The following LRRC56 variants were observed in gnomAD, a reference collection of about 807,000 sequenced individuals.
LRRC56 encodes leucine rich repeat containing 56, also known as leucine-rich repeat-containing protein 56.
Under a neutral mutation model 47.8 loss-of-function variants are expected in LRRC56, and 41 were observed. That is an observed-to-expected ratio of 0.86 (90% CI 0.67 to 1.11). LRRC56 has a LOEUF of 1.11. Among genes scored for constraint, LRRC56 ranks in the 50% most tolerant of loss-of-function variants. LRRC56 has a pLI of 0.00. For synonymous variants in LRRC56, 387 were observed against 311.2 expected, an observed-to-expected ratio of 1.24 and a Z score of -2.56; for missense variants, 759 against 704.2, an observed-to-expected ratio of 1.08 and a Z score of -0.88.
chr11:514,318 G>C, the LRRC56 span, among the ~76,000 whole-genome samples: 1 of 150,526 alleles, frequency 6.6e-6, no homozygotes, highest in East Asian at 2.0e-4. Context: ...ACGAGGTCTT[G>C]CTTTGTTGCC....
chr11:514,524 T>G, the LRRC56 span, among the ~76,000 whole-genome samples: 22 of 151,926 alleles, frequency 1.4e-4, no homozygotes, highest in Non-Finnish European at 2.8e-4. Flanking sequence ...TCATGCAATC[T>G]GCCCACTTGA....
the LRRC56 span, among the ~76,000 whole-genome samples, chr11:508,508 T>G: frequency 6.6e-6 from 1 of 152,224 alleles, no homozygotes; most frequent in African/African-American, 2.4e-5. Flanking sequence ...GGCTCACACC[T>G]GTAACCCCAA....
intron 9 of LRRC56, 123 bp from the exon 10 acceptor site, chr11:551,528 G>C (rs1281809458): frequency 9.4e-7 from 1 of 1,066,736 alleles, no homozygotes; most frequent in Non-Finnish European, 1.3e-6. Context: ...CTAGAAGGCT[G>C]CAGCGTGAGA....
the LRRC56 span, among the ~76,000 whole-genome samples, chr11:530,502 C>G: frequency 0.15 from 8,712 of 57,458 alleles, 438 homozygotes; most frequent in African/African-American, 0.23. Context: ...GAGAGAAGGG[C>G]GAGTGTGGCG....
upstream of LRRC56, chr11:534,410 CCCAGCCCCAG>C: frequency 6.0e-6 from 3 of 499,460 alleles, no homozygotes; most frequent in Non-Finnish European, 9.3e-6. Flanking sequence ...CAGGCCCAGG[CCCAGCCCCAG>C]GCCCCACAGG....
intron 1 of LRRC56, among the ~76,000 whole-genome samples, chr11:538,161 T>A (rs908057416): frequency 6.6e-6 from 1 of 152,052 alleles, no homozygotes; most frequent in African/African-American, 2.4e-5. Flanking sequence ...GGTCTTTGGA[T>A]CCCACAGCCT....
In LRRC56 at chr11:548,451, T is replaced by TTTTG. The variant is rs56130745; in HGVS notation, c.327-1430_327-1427dup. 3.0e-3 allele frequency among the ~76,000 whole-genome samples: 454 copies of TTTTG among 150,832 alleles called. 1 individual carries two copies. Among genetic ancestry groups the TTTTG allele is most frequent in the African/African-American group, 8.0e-3 (326 of 40,878 alleles). Reference sequence around the variant, plus strand: ...ATGAAGCACTGTGCTCAGCCTCAAGTTTTGTTTGTTTGTTTGTTTGTTTGG... The same window carrying TTTTG: ...ATGAAGCACTGTGCTCAGCCTCAAGTTTTGTTTGTTTGTTTGTTTGTTTGTTTGG... On this transcript the variant is annotated intron_variant, in intron 6 of 13. Coordinates refer to ENST00000270115, the MANE Select transcript of LRRC56 (RefSeq NM_198075.4).
In LRRC56 at chr11:551,228, C is replaced by T. The variant is rs915526911; in HGVS notation, c.722C>T (p.Ala241Val). 3 of 1,544,368 alleles carry T rather than the reference C, an allele frequency of 1.9e-6. No homozygotes were observed. Among genetic ancestry groups the T allele is most frequent in the Non-Finnish European group, 2.6e-6 (3 of 1,143,110 alleles). The change falls in exon 9 of 14, where the codon GCC (alanine) becomes GTC (valine). Residue 241 changes from alanine to valine, a missense_variant. Physicochemically the swap from Ala to Val is moderately conservative, Grantham distance 64. Coordinates refer to ENST00000270115, the MANE Select transcript of LRRC56 (RefSeq NM_198075.4). ...EVPAAHTGPP[A>V]PPRLSQDWLA... The stretch of plus-strand genomic sequence containing the variant: ...CCGGCCGCACACACAGGCCCACCGG[C>T]CCCCCCGCGGCTGAGCCAGGACTGG...
At chr11:542,205 C>T (rs1177570205) in intron 5 of LRRC56, among the ~76,000 whole-genome samples, 1 of 150,196 alleles carries the variant, frequency 6.7e-6, no homozygotes, top group Non-Finnish European at 1.5e-5. Flanking sequence ...GCCCCACACA[C>T]CCACGCCAGT....
At position 551,920 on chromosome 11, in the gene LRRC56, T is replaced by C. The variant is rs1332861256; in HGVS notation, c.991T>C (p.Cys331Arg). The C allele has an allele frequency of 1.2e-6, 2 of 1,612,658 alleles. No individual in the cohort carries two copies. The highest frequency in any genetic ancestry group is 1.1e-5 in the South Asian group (1 of 91,082). ...TCTTGCAGGTGCTGGCCAAGTCCTC[T>C]GTGGGAACCCCACCAAGGGCCTGCG... Reference protein sequence around the residue: ...SLTHGAGQVLCGNPTKGLRER... With the variant: ...SLTHGAGQVLRGNPTKGLRER... Residue 331 changes from cysteine (C) to arginine (R), a missense_variant, in exon 11 of 14, where the codon TGT becomes CGT. Transcript: ENST00000270115.
intron 6 of LRRC56, among the ~76,000 whole-genome samples, chr11:548,766 T>A (rs538640489): frequency 6.6e-6 from 1 of 151,738 alleles, no homozygotes; most frequent in East Asian, 2.0e-4. Flanking sequence ...CCTCAAGTGG[T>A]TTTTTAAGGA....
At chr11:518,691 C>G in the LRRC56 span, among the ~76,000 whole-genome samples, 2 of 152,156 alleles carry the variant, frequency 1.3e-5, no homozygotes, top group Admixed American at 1.3e-4. Context: ...CACGCACGAG[C>G]CGACACCAGC....
Position 554,521 on chromosome 11 carries a change from T to G in LRRC56, c.*245T>G, listed in dbSNP as rs1228726903. On this transcript the variant is annotated 3_prime_UTR_variant, in exon 14 of 14. Transcript: ENST00000270115. ...GAGGGAGGGTCCGGCTCCCCAGCCC[T>G]TCCTTAGGGCCAGGCTTTCCCGCGG... The G allele has an allele frequency of 2.4e-5, 10 of 421,116 alleles. No homozygotes were observed. The highest frequency in any genetic ancestry group is 4.1e-5 in the Admixed American group (1 of 24,566). The allele number at this position is 421,116 out of a possible 1,614,324, so 26.1% of individuals were successfully genotyped here.
chr11:539,384 C>CTT lies in LRRC56; in HGVS notation c.-158-179_-158-178dup, dbSNP rs35782858. Among the ~76,000 whole-genome samples, 38 of 92,426 alleles carry CTT rather than the reference C, an allele frequency of 4.1e-4. 1 individual carries two copies. Among genetic ancestry groups the CTT allele is most frequent in the African/African-American group, 9.9e-4 (21 of 21,134 alleles). 60.6% of individuals were successfully genotyped at this position (92,426 alleles called of 152,430 possible). ...ACAGGTGTGAGCCACCGCACCCAGC[C>CTT]TTTTTTTTTTTTTTTTTTGAGACAG... On this transcript the variant is annotated intron_variant, in intron 2 of 13. Transcript: ENST00000270115.
At chr11:523,961 T>C in the LRRC56 span, among the ~76,000 whole-genome samples, 1 of 151,484 alleles carries the variant, frequency 6.6e-6, no homozygotes, top group African/African-American at 2.4e-5. Flanking sequence ...AAAAGAAAAC[T>C]ACAAGATCTG....
chr11:532,883 C>G, upstream of LRRC56: 1 of 901,828 alleles, frequency 1.1e-6, no homozygotes, highest in Non-Finnish European at 1.8e-6. Flanking sequence ...CTTCCCCAGG[C>G]CCACCACACA....
the LRRC56 span, among the ~76,000 whole-genome samples, chr11:515,395 C>A: frequency 6.6e-6 from 1 of 152,226 alleles, no homozygotes; most frequent in African/African-American, 2.4e-5. Context: ...ACACACCCTT[C>A]ATTCTCATGA....
upstream of LRRC56, chr11:534,138 C>T: frequency 7.7e-7 from 1 of 1,301,546 alleles, no homozygotes; most frequent in Non-Finnish European, 1.1e-6. Flanking sequence ...GGGGCTGCAG[C>T]CAGCCCTATC....
chr11:526,546 G>T, the LRRC56 span, among the ~76,000 whole-genome samples: 1 of 152,208 alleles, frequency 6.6e-6, no homozygotes, highest in Non-Finnish European at 1.5e-5. Context: ...GTACACAAAT[G>T]CCTATGGAGG....
Sources: gnomAD v4.1 joint callset for allele counts (sites outside exome capture counted in the v4.1 genomes callset) on GRCh38, gnomAD v4.1.1 for gene constraint, MANE v1.5 for transcripts, NCBI Gene and HGNC (gene_info 2026-07-23, HGNC 2026-07-21) for gene names.